Variants in DSCAM observed in about 807,000 individuals in gnomAD.
DSCAM encodes the protein cell adhesion molecule DSCAM.
In DSCAM, 47 loss-of-function variants were observed where a neutral mutation model predicts 217.7. The observed-to-expected ratio is 0.22, with a 90% CI of 0.17 to 0.28. The LOEUF is 0.28. DSCAM is among the 10% of genes least tolerant of loss of function. DSCAM has a pLI of 1.00. For synonymous variants in DSCAM, 1,056 were observed against 1,015.3 expected, an observed-to-expected ratio of 1.04 and a Z score of -0.76; for missense variants, 2,080 against 2,618.3, an observed-to-expected ratio of 0.79 and a Z score of 4.49.
At chr21:40,410,865 C>A (rs1279429151) in intron 3 of DSCAM, among the ~76,000 whole-genome samples, 1 of 151,904 alleles carries the variant, frequency 6.6e-6, no homozygotes, top group Non-Finnish European at 1.5e-5. Flanking sequence ...CTCACAGGAG[C>A]CTTTCTGGCA....
intron 21 of DSCAM, among the ~76,000 whole-genome samples, chr21:40,088,294 T>TGA: frequency 6.6e-6 from 1 of 152,044 alleles, no homozygotes. Context: ...GGGACAAATG[T>TGA]GAGACCCCTG....
intron 9 of DSCAM, among the ~76,000 whole-genome samples, chr21:40,307,306 T>C (rs904400904): frequency 5.3e-5 from 8 of 151,678 alleles, no homozygotes; most frequent in Non-Finnish European, 1.2e-4. Flanking sequence ...AGAAGACATT[T>C]ATGCAGCCAA....
At chr21:40,598,639 G>A (rs1437114702) in intron 3 of DSCAM, among the ~76,000 whole-genome samples, 1 of 151,396 alleles carries the variant, frequency 6.6e-6, no homozygotes, top group Non-Finnish European at 1.5e-5. Flanking sequence ...CAAGTAGCTG[G>A]GATTACAGGT....
At chr21:40,327,085 G>A (rs1039261281) in intron 8 of DSCAM, among the ~76,000 whole-genome samples, 4 of 151,778 alleles carry the variant, frequency 2.6e-5, no homozygotes, top group African/African-American at 4.8e-5. Flanking sequence ...AGATCCTACC[G>A]CATGGTTCTG....
chr21:40,141,790 G>C (rs987610301), intron 18 of DSCAM, among the ~76,000 whole-genome samples: 1 of 152,084 alleles, frequency 6.6e-6, no homozygotes, highest in Non-Finnish European at 1.5e-5. Context: ...CTGCAGCCTC[G>C]CTCTGCCCCA....
intron 3 of DSCAM, among the ~76,000 whole-genome samples, chr21:40,612,769 A>C (rs567931991): frequency 6.6e-6 from 1 of 152,332 alleles, no homozygotes; most frequent in East Asian, 1.9e-4. Flanking sequence ...ATGTGTGGAC[A>C]ATAGTAACTG....
intron 32 of DSCAM, among the ~76,000 whole-genome samples, chr21:40,032,987 G>A (rs532616192): frequency 2.4e-4 from 37 of 152,274 alleles, no homozygotes; most frequent in African/African-American, 8.9e-4. Context: ...GAGGAAGAAG[G>A]CTACCCCAAA....
chr21:40,167,612 A>C (rs1191001736), intron 15 of DSCAM, among the ~76,000 whole-genome samples: 2 of 152,152 alleles, frequency 1.3e-5, no homozygotes, highest in Non-Finnish European at 2.9e-5. Context: ...TCCCTTATGA[A>C]ATGCTGTCTA....
At chr21:40,412,292 C>A (rs770540827) in intron 3 of DSCAM, among the ~76,000 whole-genome samples, 10 of 152,186 alleles carry the variant, frequency 6.6e-5, no homozygotes, top group Non-Finnish European at 1.5e-4. Context: ...GTGGAAGTGA[C>A]TTTGCAACTG....
At chr21:40,086,410 A>G (rs2089532361) in intron 22 of DSCAM, among the ~76,000 whole-genome samples, 1 of 152,222 alleles carries the variant, frequency 6.6e-6, no homozygotes, top group Non-Finnish European at 1.5e-5. Context: ...TAAATGTATG[A>G]GAAAAGTGGT....
chr21:40,172,157 T>G (rs1006803962), intron 15 of DSCAM, among the ~76,000 whole-genome samples: 2 of 152,266 alleles, frequency 1.3e-5, no homozygotes, highest in Admixed American at 1.3e-4. Context: ...TAATCCCAGC[T>G]ACTGGGGAGG....
intron 16 of DSCAM, among the ~76,000 whole-genome samples, chr21:40,151,647 T>A (rs1039283737): frequency 2.0e-4 from 31 of 152,160 alleles, no homozygotes; most frequent in African/African-American, 5.8e-4. Flanking sequence ...GGTAAAGGAC[T>A]GATAGCAAGG....
chr21:40,537,914 T>A (rs1467159024), intron 3 of DSCAM, among the ~76,000 whole-genome samples: 1 of 152,190 alleles, frequency 6.6e-6, no homozygotes, highest in Non-Finnish European at 1.5e-5. Context: ...TCGCATTATA[T>A]GAAGTAGTCC....
intron 3 of DSCAM, among the ~76,000 whole-genome samples, chr21:40,475,042 C>G (rs1290971229): frequency 3.9e-5 from 6 of 152,140 alleles, no homozygotes; most frequent in African/African-American, 1.4e-4. Flanking sequence ...TGTTGCCTCA[C>G]CTACCCTGGA....
chr21:40,556,022 TTC>T lies in DSCAM; in HGVS notation c.508+136786_508+136787del, dbSNP rs577849611. 5.9e-5 allele frequency among the ~76,000 whole-genome samples: 9 copies of T among 152,212 alleles called. No individual in the cohort carries two copies. In the East Asian group the frequency reaches 1.7e-3, roughly 29 times the overall value. ...GATACTGTTAAATGTTCCAGAAAAA[TTC>T]TGTCAGTAAGAAAAATAGAGTGTAT... On this transcript the variant is annotated intron_variant, in intron 3 of 32. Coordinates refer to ENST00000400454, the MANE Select transcript of DSCAM (RefSeq NM_001389.5).
intron 27 of DSCAM, among the ~76,000 whole-genome samples, chr21:40,071,868 C>T (rs1365800238): frequency 6.6e-6 from 1 of 152,224 alleles, no homozygotes; most frequent in Non-Finnish European, 1.5e-5. Flanking sequence ...TCTGCAGCTG[C>T]AATTTCCCTC....
intron 21 of DSCAM, among the ~76,000 whole-genome samples, chr21:40,092,603 C>T (rs1256007471): frequency 6.6e-6 from 1 of 152,202 alleles, no homozygotes; most frequent in Admixed American, 6.5e-5. Context: ...TTTGAAAGCA[C>T]AAAGGAAAGG....
At chr21:40,843,918 T>G (rs1247050825) in intron 1 of DSCAM, among the ~76,000 whole-genome samples, 2 of 151,934 alleles carry the variant, frequency 1.3e-5, no homozygotes, top group Admixed American at 1.3e-4. Context: ...AAAATGCAGA[T>G]GTATTGTGGG....
At chr21:40,499,288 A>G (rs1194391656) in intron 3 of DSCAM, among the ~76,000 whole-genome samples, 1 of 152,214 alleles carries the variant, frequency 6.6e-6, no homozygotes, top group Admixed American at 6.5e-5. Context: ...ATCTAGCTCA[A>G]CAATACAAGT....
Sources: gnomAD v4.1 joint callset for allele counts (sites outside exome capture counted in the v4.1 genomes callset) on GRCh38, gnomAD v4.1.1 for gene constraint, MANE v1.5 for transcripts, NCBI Gene and HGNC (gene_info 2026-07-23, HGNC 2026-07-21) for gene names.